The following SUMF1 variants were observed in gnomAD, a reference collection of about 807,000 sequenced individuals.
SUMF1 encodes formylglycine-generating enzyme.
SUMF1 carries 48 observed loss-of-function variants against 47.6 expected under a neutral mutation model. The ratio of observed to expected loss-of-function variants is 1.01; its 90% confidence interval spans 0.80 to 1.28. The LOEUF (loss-of-function observed/expected upper bound fraction) is 1.28, where lower values mean the gene tolerates loss of function less well. SUMF1 is among the 50% of genes most tolerant of loss of function. The pLI is 0.00. For synonymous variants in SUMF1, 230 were observed against 192.1 expected, an observed-to-expected ratio of 1.20 and a Z score of -1.63; for missense variants, 571 against 485.4, an observed-to-expected ratio of 1.18 and a Z score of -1.66.
intron 8 of SUMF1, among the ~76,000 whole-genome samples, chr3:4,285,439 G>C (rs1028794176): frequency 2.6e-5 from 4 of 152,054 alleles, no homozygotes; most frequent in African/African-American, 7.2e-5. Context: ...TGACTCTCTA[G>C]AGTTTATGAA....
At chr3:4,380,757 C>G (rs1700478535) in intron 7 of SUMF1, among the ~76,000 whole-genome samples, 1 of 152,154 alleles carries the variant, frequency 6.6e-6, no homozygotes, top group Non-Finnish European at 1.5e-5. Flanking sequence ...GTCGCAAGAA[C>G]AGCAAAACAC....
At chr3:4,466,879 C>A in intron 1 of SUMF1, 97 bp downstream of exon 1, 1 of 1,519,504 alleles carries the variant, frequency 6.6e-7, no homozygotes. Context: ...TGGTTATAAC[C>A]TTTACTTCCC....
At chr3:4,095,851 T>C (rs1692891422) in intron 8 of SUMF1, among the ~76,000 whole-genome samples, 1 of 152,174 alleles carries the variant, frequency 6.6e-6, no homozygotes, top group South Asian at 2.1e-4. Context: ...TAGATAACTC[T>C]GGTATTCACT....
chr3:4,218,358 G>A (rs1024293831), intron 8 of SUMF1, among the ~76,000 whole-genome samples: 1 of 152,140 alleles, frequency 6.6e-6, no homozygotes, highest in African/African-American at 2.4e-5. Context: ...AATTTAGGTG[G>A]TGGGGGAAAA....
chr3:4,173,979 T>C (rs946667696), intron 8 of SUMF1, among the ~76,000 whole-genome samples: 7 of 152,122 alleles, frequency 4.6e-5, no homozygotes, highest in African/African-American at 1.7e-4. Flanking sequence ...TATACCTATG[T>C]AACAAACCTG....
At chr3:4,425,723 G>A (rs1156516061) in intron 3 of SUMF1, among the ~76,000 whole-genome samples, 1 of 152,180 alleles carries the variant, frequency 6.6e-6, no homozygotes, top group Non-Finnish European at 1.5e-5. Context: ...CAAGGGGAGT[G>A]TATTAGTCCA....
chr3:4,221,509 G>A (rs1281737665), intron 8 of SUMF1, among the ~76,000 whole-genome samples: 2 of 151,672 alleles, frequency 1.3e-5, no homozygotes, highest in Non-Finnish European at 1.5e-5. Flanking sequence ...TCCATAACCT[G>A]ATGTCCATAG....
chr3:4,285,184 A>G (rs984456301), intron 8 of SUMF1, among the ~76,000 whole-genome samples: 10 of 152,172 alleles, frequency 6.6e-5, no homozygotes, highest in African/African-American at 2.2e-4. Flanking sequence ...CCAAATCACT[A>G]TTCTCCATAA....
intron 8 of SUMF1, among the ~76,000 whole-genome samples, chr3:4,371,442 G>A (rs945887609): frequency 6.6e-6 from 1 of 152,206 alleles, no homozygotes; most frequent in African/African-American, 2.4e-5. Flanking sequence ...TGGTTTTTAT[G>A]AGAGGGAGAC....
rs7619026 is a variant in SUMF1 at position 4,233,608 on chromosome 3, G to C, written c.1014+142722C>G. ...ACCAATTTGAATTGTTTAAAATAAA[G>C]TATTCAATTTAGAAAGGCCTTAAAA... On this transcript the variant is annotated intron_variant and NMD_transcript_variant, in intron 8 of 12. Transcript: ENST00000448413. Among the ~76,000 whole-genome samples the C allele has an allele frequency of 2.2e-3, 329 of 152,170 alleles. 3 individuals are homozygous for C. The highest frequency in any genetic ancestry group is 7.4e-3 in the African/African-American group (308 of 41,520).
At chr3:4,048,714 T>C (rs1695050875) in intron 9 of SUMF1, among the ~76,000 whole-genome samples, 1 of 152,194 alleles carries the variant, frequency 6.6e-6, no homozygotes, top group African/African-American at 2.4e-5. Context: ...ACAAATACAG[T>C]AGTCATGGAC....
intron 8 of SUMF1, among the ~76,000 whole-genome samples, chr3:4,079,641 G>C (rs1005504843): frequency 4.6e-5 from 7 of 150,876 alleles, no homozygotes; most frequent in African/African-American, 1.7e-4. Context: ...TGATAGGTTG[G>C]TTGTGATAAT....
chr3:4,306,927 T>C lies in SUMF1; in HGVS notation c.1014+69403A>G, dbSNP rs1301814875. Among the ~76,000 whole-genome samples the C allele has an allele frequency of 2.0e-5, 3 of 152,256 alleles. No homozygotes were observed. In the East Asian group the frequency reaches 5.8e-4, roughly 29 times the overall value. On this transcript the variant is annotated intron_variant and NMD_transcript_variant, in intron 8 of 12. Transcript: ENST00000448413. ...AAGTAGAAAATAAACTAATTGATTTTATTGAGCTAACAGTTGGATCTAACC... is the reference window on the plus strand; with the variant it reads ...AAGTAGAAAATAAACTAATTGATTTCATTGAGCTAACAGTTGGATCTAACC...
intron 8 of SUMF1, chr3:4,316,742 TCCAAAGCACTTC>T (rs1344270560): frequency 1.9e-6 from 3 of 1,550,718 alleles, no homozygotes. Context: ...AAGAAGAAGC[TCCAAAGCACTTC>T]CCAAAGCCAA....
intron 8 of SUMF1, among the ~76,000 whole-genome samples, chr3:4,273,047 G>A (rs1697333855): frequency 6.6e-6 from 1 of 151,388 alleles, no homozygotes. Context: ...GTGACAGAGT[G>A]AGGCTCTGTC....
intron 3 of SUMF1, among the ~76,000 whole-genome samples, chr3:4,442,257 C>A (rs6805134): frequency 0.046 from 6,509 of 140,586 alleles, 343 homozygotes; most frequent in African/African-American, 0.13. Flanking sequence ...ACCATGAACT[C>A]TTTTTTTTTT....
At chr3:4,463,184 C>A (rs911778841) in intron 1 of SUMF1, among the ~76,000 whole-genome samples, 6 of 152,114 alleles carry the variant, frequency 3.9e-5, no homozygotes, top group African/African-American at 1.2e-4. Flanking sequence ...GAATATCAGA[C>A]AACTACAAAA....
At chr3:4,144,659 A>T (rs1467192903) in intron 8 of SUMF1, among the ~76,000 whole-genome samples, 4 of 152,150 alleles carry the variant, frequency 2.6e-5, no homozygotes, top group African/African-American at 9.7e-5. Flanking sequence ...AAACACAAAT[A>T]ACCTGCTTTT....
At chr3:4,361,139 G>A (rs1699741446), downstream of SUMF1, 4 of 152,226 alleles carry the variant, frequency 2.6e-5, no homozygotes, top group South Asian at 2.1e-4. Flanking sequence ...AGCTGATGAC[G>A]GTGAAGCCTG....
Sources: gnomAD v4.1 joint callset for allele counts (sites outside exome capture counted in the v4.1 genomes callset) on GRCh38, gnomAD v4.1.1 for gene constraint, MANE v1.5 for transcripts, NCBI Gene and HGNC (gene_info 2026-07-23, HGNC 2026-07-21) for gene names.